Variants in TMEM87A observed in about 807,000 individuals in gnomAD.
TMEM87A encodes Golgi-pH regulating cation channel.
Under a neutral mutation model 90.0 loss-of-function variants are expected in TMEM87A, and 50 were observed. That is an observed-to-expected ratio of 0.56 (90% CI 0.44 to 0.70). The LOEUF (loss-of-function observed/expected upper bound fraction) is 0.70. Among genes scored for constraint, TMEM87A ranks in the 30% least tolerant of loss-of-function variants. The pLI is 0.00. For synonymous variants in TMEM87A, 226 were observed against 226.7 expected (o/e 1.00, Z 0.03); for missense variants, 577 against 660.5 (o/e 0.87, Z 1.39).
rs770791681 is a variant in TMEM87A, at chr15:42,220,072, T to C, written c.1467A>G (p.Lys489=). The C allele has an allele frequency of 4.4e-6, 7 of 1,600,448 alleles. No individual in the cohort carries two copies. The highest frequency in any genetic ancestry group is 5.1e-6 in the Non-Finnish European group (6 of 1,176,294). ...GAATTTTATTATTACCAAAGCTTTCTTTCAGCATAGGCTCCTTTTGTTCAT... is the reference window on the plus strand; with the variant it reads ...GAATTTTATTATTACCAAAGCTTTCCTTCAGCATAGGCTCCTTTTGTTCAT... The part of the protein sequence containing the change: ...EEDEQKEPML[K]ESFEGMKMRS... The change falls in exon 16 of 20, where the codon AAA becomes AAG. Residue 489 remains lysine, a synonymous_variant. Coordinates refer to ENST00000389834, the MANE Select transcript of TMEM87A (RefSeq NM_015497.5).
intron 8 of TMEM87A, among the ~76,000 whole-genome samples, chr15:42,238,051 T>C (rs1470737964): frequency 6.6e-6 from 1 of 151,944 alleles, no homozygotes; most frequent in Non-Finnish European, 1.5e-5. Context: ...ATGTATCACA[T>C]ATGTATACCA....
intron 7 of TMEM87A, among the ~76,000 whole-genome samples, chr15:42,243,748 G>A (rs1436354327): frequency 2.0e-5 from 3 of 151,834 alleles, no homozygotes; most frequent in Admixed American, 6.6e-5. Flanking sequence ...TAAAACTCCC[G>A]ACCTCATGTG....
chr15:42,254,400 G>T (rs1250571578), intron 6 of TMEM87A, among the ~76,000 whole-genome samples: 1 of 152,080 alleles, frequency 6.6e-6, no homozygotes, highest in Non-Finnish European at 1.5e-5. Context: ...ATAAAAGCCT[G>T]GACACAAATG....
chr15:42,231,303 A>G, intron 11 of TMEM87A, 43 bp from the exon 12 acceptor site: 2 of 1,488,860 alleles, frequency 1.3e-6, no homozygotes, highest in Non-Finnish European at 1.8e-6. Context: ...AGATGTCTAG[A>G]GAGGCACAGA....
intron 10 of TMEM87A, among the ~76,000 whole-genome samples, chr15:42,233,982 G>A (rs976529513): frequency 8.1e-5 from 12 of 148,066 alleles, no homozygotes; most frequent in African/African-American, 2.3e-4. Context: ...AGGTCTCACC[G>A]TGTTGCCCAG....
In TMEM87A at chr15:42,273,394, G is replaced by C. The variant is rs373908111; in HGVS notation, c.5C>G (p.Ala2Gly). Residue 2 changes from alanine to glycine, a missense_variant, in exon 1 of 20, where the codon GCG (alanine) becomes GGG (glycine). By Grantham distance (60) the Ala-to-Gly change is moderately conservative. Transcript: ENST00000389834. The part of the protein sequence containing the change: M[A>G]AAAWLQVLPV... ...CAACACCTGAAGCCACGCAGCCGCC[G>C]CCATCTTCACAGCCGTGGAGTGCCT... is the stretch of plus-strand genomic sequence containing the variant. The C allele has an allele frequency of 6.2e-7, 1 of 1,613,962 alleles. No individual in the cohort carries two copies. Among genetic ancestry groups the C allele is most frequent in the Admixed American group, 1.7e-5 (1 of 60,022 alleles).
At chr15:42,250,092 CTTT>C (rs2140961880) in intron 6 of TMEM87A, among the ~76,000 whole-genome samples, 1 of 152,252 alleles carries the variant, frequency 6.6e-6, no homozygotes, top group South Asian at 2.1e-4. Flanking sequence ...TGCAACCCTG[CTTT>C]TTCTTTTGCT....
chr15:42,233,827 A>G (rs919342747), intron 10 of TMEM87A, among the ~76,000 whole-genome samples: 1 of 152,136 alleles, frequency 6.6e-6, no homozygotes, highest in African/African-American at 2.4e-5. Context: ...CCCACGCTGA[A>G]GTGCAGTGGC....
chr15:42,238,749 C>CTTTTT (rs374648537), intron 8 of TMEM87A, among the ~76,000 whole-genome samples: 1 of 119,596 alleles, frequency 8.4e-6, no homozygotes, highest in African/African-American at 3.2e-5. Flanking sequence ...GTGAGACTCT[C>CTTTTT]TTTTTTTTTT....
chr15:42,227,299 G>C (rs1056745754), intron 14 of TMEM87A, among the ~76,000 whole-genome samples: 15 of 152,138 alleles, frequency 9.9e-5, no homozygotes, highest in African/African-American at 3.6e-4. Flanking sequence ...AAGAGCCTTA[G>C]CTGCTTCTGA....
At chr15:42,228,648 A>T (rs1468376071) in intron 13 of TMEM87A, 64 bp downstream of exon 13, 3 of 1,380,490 alleles carry the variant, frequency 2.2e-6, no homozygotes, top group Non-Finnish European at 3.1e-6. Flanking sequence ...ATGGCCTTTC[A>T]GGTTAAGAAT....
intron 3 of TMEM87A, among the ~76,000 whole-genome samples, chr15:42,264,675 A>ATGTG (rs201614664): frequency 2.3e-5 from 2 of 88,416 alleles, no homozygotes; most frequent in African/African-American, 6.8e-5. Context: ...AACTATATAT[A>ATGTG]TGTGTGTGTA....
intron 1 of TMEM87A, 46 bp from the exon 2 acceptor site, chr15:42,272,169 A>AAG: frequency 5.7e-6 from 8 of 1,401,572 alleles, no homozygotes; most frequent in Non-Finnish European, 8.0e-6. Context: ...GGCTTCAATT[A>AAG]CCAAAGCATC....
chr15:42,223,321 A>T (rs2050530870), intron 15 of TMEM87A, among the ~76,000 whole-genome samples: 1 of 152,180 alleles, frequency 6.6e-6, no homozygotes, highest in Non-Finnish European at 1.5e-5. Context: ...TGAGCCCAGG[A>T]GGTGGAGGTT....
At chr15:42,235,754 G>GCTC (rs1233492314) in intron 10 of TMEM87A, among the ~76,000 whole-genome samples, 1 of 152,056 alleles carries the variant, frequency 6.6e-6, no homozygotes, top group Non-Finnish European at 1.5e-5. Context: ...GCAAGCTCTA[G>GCTC]CTCCTGCATT....
chr15:42,253,254 G>A (rs1000985381), intron 6 of TMEM87A, among the ~76,000 whole-genome samples: 1 of 152,140 alleles, frequency 6.6e-6, no homozygotes, highest in South Asian at 2.1e-4. Flanking sequence ...GGTCTTTTCT[G>A]ATCGTATGTC....
At chr15:42,234,216 T>C (rs766914485) in intron 10 of TMEM87A, among the ~76,000 whole-genome samples, 16 of 152,232 alleles carry the variant, frequency 1.1e-4, no homozygotes, top group East Asian at 1.9e-4. Context: ...ACCTAATATA[T>C]GAAAAGTCTT....
chr15:42,245,991 A>G (rs2050965004), intron 6 of TMEM87A, among the ~76,000 whole-genome samples: 1 of 152,224 alleles, frequency 6.6e-6, no homozygotes, highest in Admixed American at 6.5e-5. Context: ...TATCACCTCT[A>G]TCTAGTTCCA....
chr15:42,222,271 G>A (rs2050503516), intron 15 of TMEM87A, among the ~76,000 whole-genome samples: 1 of 152,102 alleles, frequency 6.6e-6, no homozygotes. Flanking sequence ...TGGTCAAACT[G>A]GTCTCGAACT....
Sources: gnomAD v4.1 joint callset for allele counts (sites outside exome capture counted in the v4.1 genomes callset) on GRCh38, gnomAD v4.1.1 for gene constraint, MANE v1.5 for transcripts, NCBI Gene and HGNC (gene_info 2026-07-23, HGNC 2026-07-21) for gene names.